RAP1GAP2: variants seen among roughly 807,000 people sequenced by gnomAD.
RAP1GAP2 encodes the protein rap1 GTPase-activating protein 2.
Under a neutral mutation model 95.0 loss-of-function variants are expected in RAP1GAP2, and 27 were observed. That is an observed-to-expected ratio of 0.28 (90% CI 0.21 to 0.39). The LOEUF is 0.39. Ranked by LOEUF, RAP1GAP2 falls within the 10% of genes least tolerant of loss-of-function variation. The pLI, the probability that RAP1GAP2 is intolerant of heterozygous loss-of-function variation, is 1.00. For missense variants in RAP1GAP2, 771 were observed against 970.0 expected, an observed-to-expected ratio of 0.79 and a Z score of 2.72; for synonymous variants, 373 against 380.9, an observed-to-expected ratio of 0.98 and a Z score of 0.24.
chr17:2,993,353 C>T (rs969149503), intron 12 of RAP1GAP2, among the ~76,000 whole-genome samples: 1 of 151,940 alleles, frequency 6.6e-6, no homozygotes, highest in East Asian at 1.9e-4. Flanking sequence ...GCGGGCAGAT[C>T]ACGAGGTCAG....
At chr17:2,901,642 T>A (rs559162437) in intron 2 of RAP1GAP2, among the ~76,000 whole-genome samples, 1 of 152,286 alleles carries the variant, frequency 6.6e-6, no homozygotes, top group African/African-American at 2.4e-5. Flanking sequence ...CTTGATATAA[T>A]CACATCACTT....
intron 2 of RAP1GAP2, chr17:2,770,452 G>C (rs2068368533): frequency 2.5e-6 from 1 of 398,646 alleles, no homozygotes; most frequent in South Asian, 1.3e-4. Flanking sequence ...CCAGGTAAAG[G>C]GGCCTTCTGC....
chr17:3,021,783 C>T (rs2046971194), intron 19 of RAP1GAP2, among the ~76,000 whole-genome samples: 1 of 152,194 alleles, frequency 6.6e-6, no homozygotes, highest in South Asian at 2.1e-4. Flanking sequence ...TAATGACCTC[C>T]AATTCTACCC....
chr17:2,781,646 GTGTGTGC>G, intron 1 of RAP1GAP2, among the ~76,000 whole-genome samples: 1 of 149,606 alleles, frequency 6.7e-6, no homozygotes, highest in South Asian at 2.1e-4. Context: ...GCACGTCTCT[GTGTGTGC>G]AGGTCTCTGT....
chr17:2,907,503 C>T (rs2042236872), intron 3 of RAP1GAP2, among the ~76,000 whole-genome samples: 1 of 151,764 alleles, frequency 6.6e-6, no homozygotes, highest in Non-Finnish European at 1.5e-5. Flanking sequence ...CACAGTTAAA[C>T]GTGGTGAATA....
At chr17:2,938,980 C>T (rs898236649) in intron 3 of RAP1GAP2, among the ~76,000 whole-genome samples, 19 of 152,166 alleles carry the variant, frequency 1.2e-4, no homozygotes, top group African/African-American at 3.4e-4. Flanking sequence ...GAGTGAAACT[C>T]CGTCTCAAAA....
chr17:2,850,397 G>A (rs2151591529), intron 2 of RAP1GAP2, among the ~76,000 whole-genome samples: 1 of 152,106 alleles, frequency 6.6e-6, no homozygotes, highest in South Asian at 2.1e-4. Context: ...TTTCATGGTA[G>A]GAAGGGCAAG....
chr17:2,800,427 GGGCTGTCCCGGGGACTCCTCCA>G (rs72122107), intron 1 of RAP1GAP2, 66 bp from the exon 2 acceptor site: 267,569 of 1,514,196 alleles, frequency 0.18, 23,843 homozygotes, highest in South Asian at 0.22. Context: ...CTGGTGGTTT[GGGCTGTCCCGGGGACTCCTCCA>G]TACAGATGCT....
chr17:2,907,293 G>T (rs949587846), intron 3 of RAP1GAP2, among the ~76,000 whole-genome samples: 1 of 152,080 alleles, frequency 6.6e-6, no homozygotes, highest in African/African-American at 2.4e-5. Context: ...AAATGGCGGT[G>T]GTACCATGAG....
chr17:3,018,038 A>C, intron 17 of RAP1GAP2, 23 bp from the exon 18 acceptor site: 1 of 1,561,960 alleles, frequency 6.4e-7, no homozygotes. Flanking sequence ...GCTGATTCTC[A>C]GGCCCTTGTT....
At chr17:2,994,674 C>T (rs940073166) in intron 12 of RAP1GAP2, among the ~76,000 whole-genome samples, 1 of 152,184 alleles carries the variant, frequency 6.6e-6, no homozygotes, top group African/African-American at 2.4e-5. Flanking sequence ...AAAGAAAGGC[C>T]GGCGCCCCAC....
intron 14 of RAP1GAP2, among the ~76,000 whole-genome samples, chr17:3,001,872 G>A (rs1305743942): frequency 1.3e-5 from 2 of 151,990 alleles, no homozygotes; most frequent in Non-Finnish European, 2.9e-5. Context: ...GACCTTAGCC[G>A]AGTGGTGCAC....
In RAP1GAP2 at chr17:2,768,944, TGG is replaced by T. The variant is rs1428327275; in HGVS notation, c.51-1384_51-1383del. On this transcript the variant is annotated intron_variant, in intron 1 of 25. Transcript: ENST00000637138. Reference sequence around the variant, plus strand: ...TCCTGCTGTGAAATCAAGAAGTCCATGGCTAGGCTCAGTGGTGCACTCCTGTA... The same window carrying T: ...TCCTGCTGTGAAATCAAGAAGTCCATCTAGGCTCAGTGGTGCACTCCTGTA... Among the ~76,000 whole-genome samples the T allele has an allele frequency of 4.5e-3, 685 of 151,724 alleles. 3 individuals carry two copies. Among genetic ancestry groups the T allele is most frequent in the African/African-American group, 0.015 (635 of 41,350 alleles).
rs1291401590 is a variant in RAP1GAP2, at chr17:2,825,905, G to A, written c.80+25355G>A. 6.6e-6 allele frequency among the ~76,000 whole-genome samples: 1 copy of A among 152,028 alleles called. No homozygotes were observed. The highest frequency in any genetic ancestry group is 1.5e-5 in the Non-Finnish European group (1 of 68,010). On this transcript the variant is annotated intron_variant, in intron 2 of 24. Coordinates refer to ENST00000254695, the MANE Select transcript of RAP1GAP2 (RefSeq NM_015085.5). This position sits in a 1 kb window ranked among gnomAD's most constrained non-coding sequence, Gnocchi z 4.1. ...GGGAAGGCTTCTTGAAGGAGGCGGC[G>A]CTGGAAGGTTGAAAAGGAATCCCTA...
rs888647358 is a variant in RAP1GAP2, at chr17:2,899,013, G to GTCTGTGGATTTGCCTGT, written c.81-6259_81-6243dup. Among the ~76,000 whole-genome samples the GTCTGTGGATTTGCCTGT allele has an allele frequency of 6.9e-5, 10 of 144,464 alleles. 1 individual carries two copies. Among genetic ancestry groups the GTCTGTGGATTTGCCTGT allele is most frequent in the African/African-American group, 2.2e-4 (8 of 37,008 alleles). 94.8% of individuals were successfully genotyped at this position (144,464 alleles called of 152,430 possible). ...CCTGGCAACCTCTCATCACCGTTCT[G>GTCTGTGGATTTGCCTGT]TCTGTGGATTTGCCTGTTCTGTGGA... On this transcript the variant is annotated intron_variant, in intron 2 of 24. Transcript: ENST00000254695.
rs185628402 is a variant in RAP1GAP2 at position 2,977,661 on chromosome 17, C to T, written c.597-2626C>T. The stretch of plus-strand genomic sequence containing the variant: ...TCGGGAGGCTGAGGCAGGAGAATTG[C>T]TTGAACCCGGGAGGCAGAGGTTGCA... On this transcript the variant is annotated intron_variant, in intron 8 of 24. Transcript: ENST00000254695. Among the ~76,000 whole-genome samples, 631 of 148,060 alleles carry T rather than the reference C, an allele frequency of 4.3e-3. 3 individuals are homozygous for T. The highest frequency in any genetic ancestry group is 0.014 in the African/African-American group (580 of 40,180).
intron 2 of RAP1GAP2, among the ~76,000 whole-genome samples, chr17:2,804,345 C>A (rs1183993338): frequency 1.3e-5 from 2 of 152,214 alleles, no homozygotes; most frequent in Non-Finnish European, 2.9e-5. Flanking sequence ...GCACCCACCT[C>A]ATGAAGCAGG....
chr17:2,849,045 A>C (rs11657399), intron 2 of RAP1GAP2, among the ~76,000 whole-genome samples: 132,912 of 151,866 alleles, frequency 0.88, 58,552 homozygotes, highest in African/African-American at 0.97. Context: ...AGCGGGCTTC[A>C]GAGTGATATC....
chr17:2,930,455 G>A (rs764813845), intron 3 of RAP1GAP2, among the ~76,000 whole-genome samples: 3 of 152,198 alleles, frequency 2.0e-5, no homozygotes, highest in Non-Finnish European at 2.9e-5. Flanking sequence ...GAGTGGGGGC[G>A]TGGCAGCTTC....
Sources: allele counts gnomAD v4.1 joint callset (sites outside exome capture counted in the v4.1 genomes callset), GRCh38; gene constraint gnomAD v4.1.1; non-coding constraint Gnocchi (gnomAD v3.1); transcripts MANE v1.5; gene names NCBI Gene and HGNC (gene_info 2026-07-23, HGNC 2026-07-21).